Variants in DST observed in about 807,000 individuals in gnomAD.
DST encodes the protein bullous pemphigoid antigen.
DST carries 253 observed loss-of-function variants against 875.2 expected under a neutral mutation model. The ratio of observed to expected loss-of-function variants is 0.29; its 90% confidence interval spans 0.26 to 0.32. DST has a LOEUF of 0.32. Ranked by LOEUF, DST falls within the 10% of genes least tolerant of loss-of-function variation. DST has a pLI of 1.00. For synonymous variants in DST, 3,124 were observed against 3,197.1 expected (o/e 0.98, Z 0.77); for missense variants, 8,287 against 9,111.6 (o/e 0.91, Z 3.68).
chr6:56,676,379 T>G (rs2099130238), intron 9 of DST, among the ~76,000 whole-genome samples: 1 of 152,206 alleles, frequency 6.6e-6, no homozygotes, highest in African/African-American at 2.4e-5. Flanking sequence ...ATAGCAAGTT[T>G]TGTTAAGAAT....
intron 98 of DST, among the ~76,000 whole-genome samples, chr6:56,468,640 G>A (rs1312952386): frequency 6.6e-6 from 1 of 152,158 alleles, no homozygotes; most frequent in Admixed American, 6.5e-5. Context: ...ACAGAGATGT[G>A]TGGAGAATCA....
At chr6:56,702,720 C>T (rs547573497) in intron 7 of DST, among the ~76,000 whole-genome samples, 3 of 152,018 alleles carry the variant, frequency 2.0e-5, no homozygotes, top group Admixed American at 6.6e-5. Flanking sequence ...TACAAGTTAG[C>T]ATGAAGGAAA....
chr6:56,951,703 G>A (rs1242597379), intron 2 of DST, among the ~76,000 whole-genome samples: 1 of 152,152 alleles, frequency 6.6e-6, no homozygotes, highest in African/African-American at 2.4e-5. Context: ...ACAGCTTGCT[G>A]ATGGGTAGCC....
At chr6:56,688,761 G>A (rs1288640684) in intron 9 of DST, among the ~76,000 whole-genome samples, 1 of 152,128 alleles carries the variant, frequency 6.6e-6, no homozygotes, top group African/African-American at 2.4e-5. Flanking sequence ...CCTGTCATTT[G>A]TTATGAACAA....
chr6:56,558,248 T>C lies in DST; in HGVS notation c.14441-730A>G, dbSNP rs560891607. ...TTCATCATGTGTTTTTTAAAATTAT[T>C]TGTATTTTTTACATTGATATATAGT... On this transcript the variant is annotated intron_variant, in intron 58 of 103. Coordinates refer to ENST00000680361, the MANE Select transcript of DST (RefSeq NM_001374736.1). Among the ~76,000 whole-genome samples the C allele has an allele frequency of 3.3e-5, 5 of 152,292 alleles. 1 individual carries two copies. The South Asian group carries it at 8.3e-4, about 25-fold the overall frequency.
chr6:56,744,229 C>T (rs1023565844), intron 4 of DST, among the ~76,000 whole-genome samples: 1 of 150,900 alleles, frequency 6.6e-6, no homozygotes, highest in African/African-American at 2.4e-5. Context: ...ACCTTCTGAG[C>T]TTAATGACTC....
chr6:56,756,520 C>T (rs1376074271), intron 4 of DST, among the ~76,000 whole-genome samples: 4 of 152,122 alleles, frequency 2.6e-5, no homozygotes, highest in Admixed American at 2.0e-4. Context: ...ACAAATCACC[C>T]AGGAAGCAGG....
chr6:56,737,793 G>A (rs764375861), intron 4 of DST, among the ~76,000 whole-genome samples: 1 of 152,162 alleles, frequency 6.6e-6, no homozygotes, highest in East Asian at 1.9e-4. Flanking sequence ...AAATACCTAC[G>A]ACCTTTCCCA....
chr6:56,532,231 C>T (rs2096908600), intron 64 of DST, 113 bp downstream of exon 64: 5 of 973,848 alleles, frequency 5.1e-6, no homozygotes, highest in Non-Finnish European at 7.7e-6. Context: ...TGTTCACATA[C>T]ATGATAAACA....
At chr6:56,664,193 A>G (rs894146065) in intron 10 of DST, among the ~76,000 whole-genome samples, 2 of 152,104 alleles carry the variant, frequency 1.3e-5, no homozygotes, top group African/African-American at 4.8e-5. Flanking sequence ...TCAGGTACAT[A>G]TTCATGTTCA....
chr6:56,572,967 G>A lies in DST; in HGVS notation c.13334C>T (p.Ser4445Phe). The A allele has an allele frequency of 1.2e-6, 2 of 1,611,852 alleles. No individual in the cohort carries two copies. The highest frequency in any genetic ancestry group is 1.1e-5 in the South Asian group (1 of 90,670). The change falls in exon 52 of 104, where the codon TCC (serine) becomes TTC (phenylalanine). Residue 4445 changes from serine (S) to phenylalanine (F), a missense_variant. Ser to Phe is a radical substitution (Grantham distance 155). Around this residue, in one of 10 missense-constraint regions of DST, gnomAD observed 1,513 missense variants for 1,677.8 expected, o/e 0.90. Coordinates refer to ENST00000680361, the MANE Select transcript of DST (RefSeq NM_001374736.1). ...FMETTDPSTA[S>F]SLQAKMKDLS... The stretch of plus-strand genomic sequence containing the variant: ...GTCTTTCATTTTGGCTTGCAGTGAG[G>A]ATGCAGTGGATGGATCTGTTGTTTC...
chr6:56,490,310 GCA>G (rs532246688), intron 85 of DST, among the ~76,000 whole-genome samples: 2 of 152,000 alleles, frequency 1.3e-5, no homozygotes, highest in Admixed American at 1.3e-4. Context: ...TTGATTTTGA[GCA>G]CAGTTTCTTT....
intron 60 of DST, among the ~76,000 whole-genome samples, chr6:56,554,028 T>G (rs1369131679): frequency 6.7e-6 from 1 of 148,824 alleles, no homozygotes; most frequent in Non-Finnish European, 1.5e-5. Context: ...ATTATGTTGA[T>G]AAATAATCCA....
At chr6:56,749,761 A>C (rs1394263937) in intron 4 of DST, among the ~76,000 whole-genome samples, 2 of 152,222 alleles carry the variant, frequency 1.3e-5, no homozygotes, top group African/African-American at 4.8e-5. Flanking sequence ...GTGAGTCATC[A>C]GCAGGAATAA....
chr6:56,840,787 ATG>A (rs1230540332), intron 4 of DST, among the ~76,000 whole-genome samples: 2 of 152,180 alleles, frequency 1.3e-5, no homozygotes, highest in Non-Finnish European at 2.9e-5. Flanking sequence ...TCTAAATCTA[ATG>A]CTCATAATTC....
chr6:56,478,975 A>G (rs1365657644), intron 90 of DST, among the ~76,000 whole-genome samples: 3 of 152,238 alleles, frequency 2.0e-5, no homozygotes, highest in Non-Finnish European at 4.4e-5. Flanking sequence ...CAACAGAGTA[A>G]ACAGTTAACC....
At chr6:56,578,744 C>A in intron 50 of DST, 70 bp downstream of exon 50, 1 of 1,515,000 alleles carries the variant, frequency 6.6e-7, no homozygotes, top group Non-Finnish European at 9.0e-7. Context: ...ACATTTTTCT[C>A]CATATCTATT....
At chr6:56,637,249 A>G (rs912655294) in intron 22 of DST, among the ~76,000 whole-genome samples, 1 of 152,178 alleles carries the variant, frequency 6.6e-6, no homozygotes, top group African/African-American at 2.4e-5. Context: ...ACTTCTTGAA[A>G]TTTCTTATTA....
intron 5 of DST, among the ~76,000 whole-genome samples, chr6:56,710,852 T>C (rs1428804279): frequency 1.3e-5 from 2 of 152,204 alleles, no homozygotes; most frequent in Admixed American, 6.5e-5. Flanking sequence ...GGAAATATCC[T>C]TATTTGGCAT....
Sources: gnomAD v4.1 joint callset for allele counts (sites outside exome capture counted in the v4.1 genomes callset) on GRCh38, gnomAD v4.1.1 for gene constraint, gnomAD v4.1.1 regional missense constraint, MANE v1.5 for transcripts, NCBI Gene and HGNC (gene_info 2026-07-23, HGNC 2026-07-21) for gene names.